ATG5: variants seen among roughly 807,000 people sequenced by gnomAD.
ATG5 encodes autophagy protein 5.
ATG5 carries 14 observed loss-of-function variants against 36.5 expected under a neutral mutation model. That is an observed-to-expected ratio of 0.38 (90% CI 0.25 to 0.60). The LOEUF (loss-of-function observed/expected upper bound fraction) is 0.60. Ranked by LOEUF, ATG5 falls within the 20% of genes least tolerant of loss-of-function variation. The pLI is 0.60. For synonymous variants in ATG5, 95 were observed against 101.5 expected (o/e 0.94, Z 0.38); for missense variants, 195 against 326.7 (o/e 0.60, Z 3.11).
At chr6:106,189,384 C>T (rs750497265) in intron 7 of ATG5, among the ~76,000 whole-genome samples, 3 of 151,900 alleles carry the variant, frequency 2.0e-5, no homozygotes, top group East Asian at 1.9e-4. Context: ...GTGGGAGGAT[C>T]GCTTGAGCCC....
intron 5 of ATG5, among the ~76,000 whole-genome samples, chr6:106,257,962 T>C (rs1225708184): frequency 2.0e-5 from 3 of 152,176 alleles, no homozygotes; most frequent in Admixed American, 6.5e-5. Context: ...ACAGGAGCTG[T>C]AGAGAATTAA....
At chr6:106,206,727 T>C (rs1776649925) in intron 6 of ATG5, among the ~76,000 whole-genome samples, 1 of 151,976 alleles carries the variant, frequency 6.6e-6, no homozygotes, top group Non-Finnish European at 1.5e-5. Context: ...ACAATTACCC[T>C]TAAAATAAAA....
At chr6:106,189,844 T>A (rs1775905132) in intron 7 of ATG5, among the ~76,000 whole-genome samples, 1 of 152,048 alleles carries the variant, frequency 6.6e-6, no homozygotes, top group Non-Finnish European at 1.5e-5. Context: ...CCTCTCCCAC[T>A]CAGGTTTTTA....
chr6:106,260,842 T>C (rs1279313251), intron 5 of ATG5, among the ~76,000 whole-genome samples: 1 of 152,200 alleles, frequency 6.6e-6, no homozygotes, highest in African/African-American at 2.4e-5. Context: ...CCAGAATTCA[T>C]CACTATAGCC....
chr6:106,253,558 A>C (rs1027777838), intron 5 of ATG5, among the ~76,000 whole-genome samples: 1 of 152,206 alleles, frequency 6.6e-6, no homozygotes, highest in Admixed American at 6.5e-5. Context: ...ATTGGCATCA[A>C]GAACAGTAAT....
intron 5 of ATG5, among the ~76,000 whole-genome samples, chr6:106,255,091 A>C (rs1778748076): frequency 6.6e-6 from 1 of 152,094 alleles, no homozygotes; most frequent in Non-Finnish European, 1.5e-5. Context: ...CATCAATTTC[A>C]CTGCATTCAT....
At chr6:106,308,840 T>C (rs1770544098) in intron 2 of ATG5, among the ~76,000 whole-genome samples, 1 of 152,186 alleles carries the variant, frequency 6.6e-6, no homozygotes. Flanking sequence ...ATTAAAATGA[T>C]TCATCTGAGT....
In ATG5 at chr6:106,192,228, T is replaced by TA. The variant is rs538715674; in HGVS notation, c.692-5553dup. 3.0e-4 allele frequency among the ~76,000 whole-genome samples: 45 copies of TA among 151,634 alleles called. No individual in the cohort carries two copies. The East Asian group carries it at 7.5e-3, about 25-fold the overall frequency. On this transcript the variant is annotated intron_variant, in intron 7 of 7. Coordinates refer to ENST00000369076, the MANE Select transcript of ATG5 (RefSeq NM_004849.4). ...AGACTTTAGGTAAGGTTATTTTTTT[T>TA]AAAAAAGATGAAAACATTCAGGTAA...
chr6:106,216,493 C>G (rs1777042666), intron 6 of ATG5, among the ~76,000 whole-genome samples: 1 of 152,046 alleles, frequency 6.6e-6, no homozygotes, highest in Non-Finnish European at 1.5e-5. Context: ...AAACCAGACA[C>G]AAAAGGCCAT....
chr6:106,242,257 T>A (rs113391640), intron 6 of ATG5, among the ~76,000 whole-genome samples: 3,745 of 152,118 alleles, frequency 0.025, 65 homozygotes, highest in African/African-American at 0.049. Context: ...TGAGATTACA[T>A]GTGTGAGCCA....
intron 6 of ATG5, among the ~76,000 whole-genome samples, chr6:106,235,522 A>G (rs577984691): frequency 9.8e-5 from 15 of 152,306 alleles, no homozygotes; most frequent in African/African-American, 3.4e-4. Context: ...AGGCCGACTA[A>G]GAATCCCAAA....
At chr6:106,213,477 A>G (rs570731303) in intron 6 of ATG5, among the ~76,000 whole-genome samples, 1 of 152,338 alleles carries the variant, frequency 6.6e-6, no homozygotes, top group Admixed American at 6.5e-5. Context: ...TCAAAAGAAG[A>G]TAAAAATAAT....
intron 6 of ATG5, among the ~76,000 whole-genome samples, chr6:106,238,388 T>C (rs1483991462): frequency 6.6e-6 from 1 of 152,238 alleles, no homozygotes; most frequent in Non-Finnish European, 1.5e-5. Context: ...CAAATATTAC[T>C]GTAACATATA....
Position 106,316,258 on chromosome 6 carries a change from A to G in ATG5, c.-50T>C, listed in dbSNP as rs1415096119. The G allele has an allele frequency of 7.0e-7, 1 of 1,419,086 alleles. No individual in the cohort carries two copies. The highest frequency in any genetic ancestry group is 9.9e-7 in the Non-Finnish European group (1 of 1,011,948). The allele number at this position is 1,419,086 out of a possible 1,614,324, so 87.9% of individuals were successfully genotyped here. A position where few individuals can be genotyped will look rare whatever the true frequency, so the allele number is the denominator to read the frequency against. On this transcript the variant is annotated 5_prime_UTR_variant, in exon 2 of 8. Transcript: ENST00000369076. ...TACAGGCTAAATTCTTATTTCAACC[A>G]AAGCCAAACTGAAAATAAAATGAAG...
chr6:106,209,361 A>T (rs543645097), intron 6 of ATG5, among the ~76,000 whole-genome samples: 1 of 152,354 alleles, frequency 6.6e-6, no homozygotes, highest in South Asian at 2.1e-4. Flanking sequence ...AAAGGAACAA[A>T]CTACTGGTAT....
intron 6 of ATG5, among the ~76,000 whole-genome samples, chr6:106,228,732 T>A (rs1021628391): frequency 6.6e-6 from 1 of 152,128 alleles, no homozygotes; most frequent in Non-Finnish European, 1.5e-5. Flanking sequence ...CTCTGGCCTA[T>A]CCCTTAGAAT....
chr6:106,260,364 T>C (rs1346502870), intron 5 of ATG5, among the ~76,000 whole-genome samples: 1 of 152,234 alleles, frequency 6.6e-6, no homozygotes, highest in Non-Finnish European at 1.5e-5. Context: ...CAATTTGAAA[T>C]GCTGTTTGGG....
At chr6:106,262,028 T>C (rs1448960068) in intron 5 of ATG5, among the ~76,000 whole-genome samples, 2 of 152,180 alleles carry the variant, frequency 1.3e-5, no homozygotes, top group Non-Finnish European at 1.5e-5. Flanking sequence ...AGTCAAAACC[T>C]TCTGGAAGAC....
intron 6 of ATG5, among the ~76,000 whole-genome samples, chr6:106,241,946 C>A (rs1778142119): frequency 6.6e-6 from 1 of 151,908 alleles, no homozygotes; most frequent in Admixed American, 6.6e-5. Context: ...ACCACCACCA[C>A]CATGATGGTT....
Sources: allele counts gnomAD v4.1 joint callset (sites outside exome capture counted in the v4.1 genomes callset), GRCh38; gene constraint gnomAD v4.1.1; transcripts MANE v1.5; gene names NCBI Gene and HGNC (gene_info 2026-07-23, HGNC 2026-07-21).